The following TENM2 variants were observed in gnomAD, a reference collection of about 807,000 sequenced individuals.
TENM2 encodes the protein teneurin transmembrane protein 2, also known as teneurin-2.
A neutral mutation model predicts 245.2 loss-of-function variants in TENM2; 52 were observed. That is an observed-to-expected ratio of 0.21 (90% confidence interval 0.17 to 0.27). The LOEUF is 0.27. TENM2 is among the 10% of genes least tolerant of loss of function. TENM2 has a pLI of 1.00. For synonymous variants in TENM2, 1,363 were observed against 1,438.9 expected (o/e 0.95, Z 1.19); for missense variants, 3,046 against 3,666.8 (o/e 0.83, Z 4.37).
intron 2 of TENM2, among the ~76,000 whole-genome samples, chr5:167,801,125 T>A (rs868231972): frequency 0.036 from 2,762 of 76,402 alleles, 132 homozygotes; most frequent in African/African-American, 0.088. Context: ...TATATATATA[T>A]ATATATATAT....
chr5:167,933,854 C>A (rs2151721237), intron 3 of TENM2, among the ~76,000 whole-genome samples: 1 of 152,250 alleles, frequency 6.6e-6, no homozygotes, highest in African/African-American at 2.4e-5. Context: ...GATTAAATAC[C>A]ATTACCTATG....
At chr5:167,326,713 A>G (rs1197040276) in intron 1 of TENM2, among the ~76,000 whole-genome samples, 3 of 147,596 alleles carry the variant, frequency 2.0e-5, no homozygotes, top group African/African-American at 7.4e-5. Flanking sequence ...ATATATATAT[A>G]TATATATATA....
At chr5:167,262,649 A>T in the TENM2 span, among the ~76,000 whole-genome samples, 1 of 152,206 alleles carries the variant, frequency 6.6e-6, no homozygotes, top group East Asian at 1.9e-4. Context: ...GTTAAAGAAG[A>T]TATATTTTAT....
the TENM2 span, among the ~76,000 whole-genome samples, chr5:167,247,243 G>C: frequency 6.6e-6 from 1 of 152,118 alleles, no homozygotes; most frequent in Non-Finnish European, 1.5e-5. Flanking sequence ...CATCCAGCAA[G>C]TAAGTGACAG....
chr5:167,956,162 T>C (rs945533435), intron 4 of TENM2, among the ~76,000 whole-genome samples: 1 of 152,192 alleles, frequency 6.6e-6, no homozygotes, highest in African/African-American at 2.4e-5. Flanking sequence ...TGGTTTGTAG[T>C]CCTCCTTGAA....
In TENM2 at chr5:167,779,314, T is replaced by C. The variant is rs185799487; in HGVS notation, c.503-96672T>C. On this transcript the variant is annotated intron_variant, in intron 2 of 28. Coordinates refer to ENST00000518659, the Ensembl canonical transcript of TENM2. ...AGGCTGTTCATTACTCCAGCCTCCA[T>C]TGACAAAAAGTCTTTAGCGACTGCA... Among the ~76,000 whole-genome samples the C allele has an allele frequency of 8.1e-4, 124 of 152,270 alleles. No individual in the cohort carries two copies. In the East Asian group the frequency reaches 0.013, roughly 15 times the overall value.
chr5:167,235,375 C>G, the TENM2 span, among the ~76,000 whole-genome samples: 1 of 152,126 alleles, frequency 6.6e-6, no homozygotes, highest in East Asian at 1.9e-4. Flanking sequence ...GTAACACTGC[C>G]CTTTTGCTCC....
intron 22 of TENM2, among the ~76,000 whole-genome samples, chr5:168,217,397 G>A (rs141491216): frequency 6.6e-6 from 1 of 152,310 alleles, no homozygotes. Context: ...AGTTTGGGCT[G>A]TTAGAGAGGC....
the TENM2 span, among the ~76,000 whole-genome samples, chr5:167,048,313 T>C: frequency 6.6e-6 from 1 of 152,186 alleles, no homozygotes; most frequent in Admixed American, 6.5e-5. Flanking sequence ...ACAATAAATT[T>C]GGAATGAGTT....
chr5:167,763,087 C>G (rs1317526914), intron 2 of TENM2, among the ~76,000 whole-genome samples: 1 of 152,200 alleles, frequency 6.6e-6, no homozygotes, highest in Non-Finnish European at 1.5e-5. Flanking sequence ...AATGCACACA[C>G]TATTAAATAT....
At chr5:167,620,691 A>G (rs907939850) in intron 2 of TENM2, among the ~76,000 whole-genome samples, 2 of 151,520 alleles carry the variant, frequency 1.3e-5, no homozygotes, top group African/African-American at 4.8e-5. Flanking sequence ...CTCTAGACTT[A>G]CAATCCTCTC....
At chr5:167,548,933 A>G (rs1017425065) in intron 2 of TENM2, among the ~76,000 whole-genome samples, 7 of 152,230 alleles carry the variant, frequency 4.6e-5, no homozygotes, top group Non-Finnish European at 1.5e-5. Flanking sequence ...GTGCTAATTA[A>G]TAATCCTGCA....
the TENM2 span, among the ~76,000 whole-genome samples, chr5:167,072,398 T>C: frequency 6.6e-6 from 1 of 152,228 alleles, no homozygotes; most frequent in African/African-American, 2.4e-5. Flanking sequence ...ATGTGTTGCC[T>C]TTTTTTGGCC....
intron 13 of TENM2, among the ~76,000 whole-genome samples, chr5:168,185,915 C>CATAT (rs200942772): frequency 2.6e-3 from 192 of 73,358 alleles, no homozygotes; most frequent in Non-Finnish European, 4.2e-3. Context: ...ACCAGACTGA[C>CATAT]ATATATATAT....
intron 2 of TENM2, among the ~76,000 whole-genome samples, chr5:167,716,181 G>T (rs563354751): frequency 6.6e-6 from 1 of 152,296 alleles, no homozygotes; most frequent in South Asian, 2.1e-4. Flanking sequence ...AGTGGAAACA[G>T]TAACTCCTGT....
intron 12 of TENM2, among the ~76,000 whole-genome samples, chr5:168,133,565 AG>A (rs2152381703): frequency 6.6e-6 from 1 of 152,358 alleles, no homozygotes; most frequent in South Asian, 2.1e-4. Flanking sequence ...TTTACATTCA[AG>A]GGACAGATAC....
the TENM2 span, among the ~76,000 whole-genome samples, chr5:167,173,936 A>C: frequency 6.6e-6 from 1 of 152,222 alleles, no homozygotes; most frequent in Non-Finnish European, 1.5e-5. Context: ...ACACATCTTA[A>C]TCTTTTAAAA....
At chr5:167,618,709 A>G (rs1335881846) in intron 2 of TENM2, among the ~76,000 whole-genome samples, 2 of 152,032 alleles carry the variant, frequency 1.3e-5, no homozygotes, top group Non-Finnish European at 2.9e-5. Context: ...CTTTGCAATA[A>G]ATTTCCTCAC....
At chr5:167,571,973 C>A (rs1008327838) in intron 2 of TENM2, among the ~76,000 whole-genome samples, 1 of 152,218 alleles carries the variant, frequency 6.6e-6, no homozygotes, top group African/African-American at 2.4e-5. Flanking sequence ...GCTAGCCAGG[C>A]CTTGCAGCTC....
Sources: allele counts gnomAD v4.1 joint callset (sites outside exome capture counted in the v4.1 genomes callset), GRCh38; gene constraint gnomAD v4.1.1; transcripts MANE v1.5; gene names NCBI Gene and HGNC (gene_info 2026-07-23, HGNC 2026-07-21).